METTL13: variants seen among roughly 807,000 people sequenced by gnomAD.
METTL13 encodes methyltransferase 13, eEF1A N-terminus and K55.
METTL13 carries 52 observed loss-of-function variants against 67.4 expected under a neutral mutation model. That is an observed-to-expected ratio of 0.77 (90% CI 0.62 to 0.97). The LOEUF (loss-of-function observed/expected upper bound fraction) is 0.97. Among genes scored for constraint, METTL13 ranks in the 50% least tolerant of loss-of-function variants. METTL13 has a pLI of 0.00. For synonymous variants in METTL13, 354 were observed against 353.6 expected (o/e 1.00, Z -0.01); for missense variants, 825 against 889.6 (o/e 0.93, Z 0.92).
At chr1:171,796,059 G>T (rs934578477) in intron 7 of METTL13, among the ~76,000 whole-genome samples, 5 of 151,890 alleles carry the variant, frequency 3.3e-5, no homozygotes. Context: ...TAGAGCCGGG[G>T]TTTCACCATT....
At chr1:171,796,437 G>A (rs765039648) in intron 7 of METTL13, 45 bp from the exon 8 acceptor site, 3 of 1,599,424 alleles carry the variant, frequency 1.9e-6, no homozygotes, top group South Asian at 1.1e-5. Flanking sequence ...TCTTTCATAT[G>A]TCTCCTGATG....
At chr1:171,791,954 GA>G (rs1657221095) in intron 5 of METTL13, 62 bp from the exon 6 acceptor site, 1 of 1,571,008 alleles carries the variant, frequency 6.4e-7, no homozygotes, top group African/African-American at 1.4e-5. Context: ...TGCCTTCCCT[GA>G]GGCTGGTACA....
Position 171,786,132 on chromosome 1 carries a change from A to G in METTL13, c.1113+54A>G, listed in dbSNP as rs527264846. The G allele has an allele frequency of 2.6e-5, 39 of 1,529,142 alleles. No individual in the cohort carries two copies. The East Asian group carries it at 7.8e-4, about 31-fold the overall frequency. 94.7% of individuals were successfully genotyped at this position (1,529,142 alleles called of 1,614,324 possible). A position where few individuals can be genotyped will look rare whatever the true frequency, so the allele number is the denominator to read the frequency against. On this transcript the variant is annotated intron_variant, in intron 3 of 7. Transcript: ENST00000361735. ...GGTCTCTGAAGTCATGTTAGCAGCC[A>G]GGGAGGCAGAGGGAGCCTTGGCAGG...
chr1:171,788,675 T>C (rs1342743974), intron 4 of METTL13, among the ~76,000 whole-genome samples: 4 of 152,206 alleles, frequency 2.6e-5, no homozygotes, highest in African/African-American at 7.2e-5. Flanking sequence ...AAAGTGATAC[T>C]TGTTCATTGA....
In METTL13 at chr1:171,782,005, C is replaced by G. The variant is rs1404180286; in HGVS notation, c.38C>G (p.Ser13Cys). The G allele has an allele frequency of 1.2e-6, 2 of 1,614,102 alleles. No individual in the cohort carries two copies. Among genetic ancestry groups the G allele is most frequent in the Non-Finnish European group, 1.7e-6 (2 of 1,180,028 alleles). Residue 13 changes from serine (S) to cysteine (C), a missense_variant, in exon 1 of 8, where the codon TCC becomes TGC. Ser to Cys is a moderately radical substitution (Grantham distance 112, BLOSUM62 -1). Coordinates refer to ENST00000361735, the MANE Select transcript of METTL13 (RefSeq NM_015935.5). ...LLPKSSREFG[S>C]VDYWEKFFQQ... ...CCTAAAAGTTCCAGGGAGTTTGGCTCCGTTGACTATTGGGAGAAGTTCTTC... is the reference window on the plus strand; with the variant it reads ...CCTAAAAGTTCCAGGGAGTTTGGCTGCGTTGACTATTGGGAGAAGTTCTTC...
chr1:171,790,455 A>C lies in METTL13; in HGVS notation c.1313A>C (p.Gln438Pro), dbSNP rs370994642. Residue 438 changes from glutamine to proline, a missense_variant, in exon 5 of 8, where the codon CAG becomes CCG. By Grantham distance (76) the Gln-to-Pro change is moderately conservative. Transcript: ENST00000361735. ...GGGCTTCATATCTCTTGTTTAGCCCAGAAGAAGCGGAAAAAGGACAGGAAG... is the reference window on the plus strand; with the variant it reads ...GGGCTTCATATCTCTTGTTTAGCCCCGAAGAAGCGGAAAAAGGACAGGAAG... ...RLLKDVSHKAQKKRKKDRKKQ... is the reference protein window; with the variant it reads ...RLLKDVSHKAPKKRKKDRKKQ... 1.3e-6 allele frequency: 2 copies of C among 1,592,918 alleles called. No homozygotes were observed. The highest frequency in any genetic ancestry group is 1.3e-5 in the African/African-American group (1 of 74,306).
chr1:171,793,493 T>C (rs1046710207), intron 6 of METTL13, among the ~76,000 whole-genome samples: 1 of 152,232 alleles, frequency 6.6e-6, no homozygotes, highest in African/African-American at 2.4e-5. Flanking sequence ...TCCTTGGACT[T>C]TGATGAGCCA....
chr1:171,795,533 A>G (rs1027165239), intron 7 of METTL13, among the ~76,000 whole-genome samples: 1 of 152,228 alleles, frequency 6.6e-6, no homozygotes, highest in Admixed American at 6.5e-5. Flanking sequence ...TCTACTAGGC[A>G]GTGTGTTATT....
In METTL13 at chr1:171,781,705, T is replaced by G; in HGVS notation, c.-263T>G. 8.7e-7 allele frequency: 1 copy of G among 1,154,724 alleles called. No homozygotes were observed. The highest frequency in any genetic ancestry group is 1.6e-5 in the African/African-American group (1 of 63,296). 71.5% of individuals were successfully genotyped at this position (1,154,724 alleles called of 1,614,324 possible). A position where few individuals can be genotyped will look rare whatever the true frequency, so the allele number is the denominator to read the frequency against. On this transcript the variant is annotated 5_prime_UTR_variant, in exon 1 of 8. Coordinates refer to ENST00000361735, the MANE Select transcript of METTL13 (RefSeq NM_015935.5). ...TCGGAAATCTAGTTCGGGAAAAGTG[T>G]GAGGGGCTCTTCACGTGGGGAAGGA...
At chr1:171,783,605 G>A (rs1322879037) in intron 1 of METTL13, 135 bp from the exon 2 acceptor site, 15 of 998,828 alleles carry the variant, frequency 1.5e-5, no homozygotes, top group South Asian at 5.0e-5. Flanking sequence ...CTACAATGTC[G>A]CTCTTTCTCT....
At chr1:171,789,051 A>G (rs1182148027) in intron 4 of METTL13, among the ~76,000 whole-genome samples, 1 of 152,140 alleles carries the variant, frequency 6.6e-6, no homozygotes, top group Non-Finnish European at 1.5e-5. Context: ...TCATCTCACT[A>G]AAATCTCAGT....
At position 171,796,369 on chromosome 1, in the gene METTL13, T is replaced by A. The variant is rs1047501863; in HGVS notation, c.1826-113T>A. ...CTGCAAACTCATCACCACCGTGTGT[T>A]TTAGTCCACCAGTCTCCCTGGGACA... On this transcript the variant is annotated intron_variant, in intron 7 of 7. Coordinates refer to ENST00000361735, the MANE Select transcript of METTL13 (RefSeq NM_015935.5). 17 of 1,303,334 alleles carry A rather than the reference T, an allele frequency of 1.3e-5. No homozygotes were observed. In the Admixed American group the frequency reaches 3.1e-4, roughly 24 times the overall value. The allele number at this position is 1,303,334 out of a possible 1,614,324, so 80.7% of individuals were successfully genotyped here.
intron 2 of METTL13, 125 bp downstream of exon 2, chr1:171,784,624 C>A (rs1244013899): frequency 1.6e-6 from 2 of 1,249,212 alleles, no homozygotes; most frequent in African/African-American, 1.5e-5. Flanking sequence ...TTTTGTCTTG[C>A]AGGGGTTTGT....
At chr1:171,794,355 T>C (rs1225041332) in intron 6 of METTL13, 41 bp from the exon 7 acceptor site, 4 of 1,613,348 alleles carry the variant, frequency 2.5e-6, no homozygotes, top group Non-Finnish European at 3.4e-6. Flanking sequence ...GGTATTATTT[T>C]ATCCAGCAAA....
chr1:171,785,836 G>T, intron 2 of METTL13, 43 bp from the exon 3 acceptor site: 1 of 1,598,908 alleles, frequency 6.3e-7, no homozygotes, highest in East Asian at 2.2e-5. Context: ...TTGTGGGCTT[G>T]ATCACTTTCC....
In METTL13 at chr1:171,784,085, C is replaced by T; in HGVS notation, c.499C>T (p.Leu167=). The T allele has an allele frequency of 6.2e-7, 1 of 1,614,224 alleles. No individual in the cohort carries two copies. ...CATCTCCCTGGCTCAGGCTCACATC[C>T]TGAAGAAAGCAGTGGGCCACTTCTC... ...LCISLAQAHI[L]KKAVGHFSRE... is the part of the protein sequence containing the mutation. The change falls in exon 2 of 8, where the codon CTG becomes TTG. Residue 167 remains leucine (L), a synonymous_variant. Transcript: ENST00000361735.
intron 6 of METTL13, 141 bp from the exon 7 acceptor site, chr1:171,794,255 A>C: frequency 7.9e-7 from 1 of 1,267,176 alleles, no homozygotes; most frequent in East Asian, 2.5e-5. Context: ...CAGTGCCCTT[A>C]CAGGCAAACC....
chr1:171,793,435 G>A (rs1657270456), intron 6 of METTL13, among the ~76,000 whole-genome samples: 1 of 152,164 alleles, frequency 6.6e-6, no homozygotes, highest in Admixed American at 6.5e-5. Context: ...ACACCAAAAT[G>A]TTTCAGATTA....
intron 4 of METTL13, among the ~76,000 whole-genome samples, chr1:171,789,730 G>A (rs999886031): frequency 5.3e-5 from 8 of 151,928 alleles, no homozygotes; most frequent in African/African-American, 1.7e-4. Context: ...GAGGTACCAG[G>A]GCTCCTCAGT....
Sources: allele counts gnomAD v4.1 joint callset (sites outside exome capture counted in the v4.1 genomes callset), GRCh38; gene constraint gnomAD v4.1.1; transcripts MANE v1.5; gene names NCBI Gene and HGNC (gene_info 2026-07-23, HGNC 2026-07-21).